Variants in SPOCK3 observed in about 807,000 individuals in gnomAD.
SPOCK3 encodes SPARC (osteonectin), cwcv and kazal like domains proteoglycan 3.
Under a neutral mutation model 56.6 loss-of-function variants are expected in SPOCK3, and 30 were observed. That is an observed-to-expected ratio of 0.53 (90% CI 0.40 to 0.72). The LOEUF is 0.72. Ranked by LOEUF, SPOCK3 falls within the 30% of genes least tolerant of loss-of-function variation. The pLI is 0.00. For synonymous variants in SPOCK3, 196 were observed against 183.3 expected, an observed-to-expected ratio of 1.07 and a Z score of -0.56; for missense variants, 527 against 530.0, an observed-to-expected ratio of 0.99 and a Z score of 0.06.
At chr4:166,925,883 C>T (rs1460909371) in intron 4 of SPOCK3, among the ~76,000 whole-genome samples, 1 of 152,086 alleles carries the variant, frequency 6.6e-6, no homozygotes, top group Non-Finnish European at 1.5e-5. Flanking sequence ...CTCATGGAGC[C>T]ACATGAACGC....
chr4:167,063,717 C>T (rs1161705780), intron 2 of SPOCK3, among the ~76,000 whole-genome samples: 1 of 151,786 alleles, frequency 6.6e-6, no homozygotes, highest in Non-Finnish European at 1.5e-5. Flanking sequence ...TTATTTCATA[C>T]TCTATGTCAA....
At chr4:166,813,762 C>A (rs948300679) in intron 6 of SPOCK3, among the ~76,000 whole-genome samples, 4 of 150,522 alleles carry the variant, frequency 2.7e-5, no homozygotes, top group Non-Finnish European at 4.4e-5. Flanking sequence ...TCTTTTGTAC[C>A]AAAATAAACT....
intron 7 of SPOCK3, among the ~76,000 whole-genome samples, chr4:166,769,931 G>C (rs11131771): frequency 0.46 from 69,613 of 151,854 alleles, 16,452 homozygotes; most frequent in African/African-American, 0.51. Context: ...GCAGTTCGAT[G>C]TCAGACAGCT....
intron 3 of SPOCK3, among the ~76,000 whole-genome samples, chr4:167,034,405 C>T (rs1007544892): frequency 1.5e-4 from 22 of 151,638 alleles, no homozygotes; most frequent in African/African-American, 3.6e-4. Flanking sequence ...AAGGTCGTCC[C>T]GGTATTTTTC....
At chr4:167,020,766 T>C (rs1751088795) in intron 3 of SPOCK3, among the ~76,000 whole-genome samples, 1 of 152,054 alleles carries the variant, frequency 6.6e-6, no homozygotes, top group South Asian at 2.1e-4. Context: ...GCATCATTTT[T>C]TCCATGAAAT....
chr4:166,898,200 A>G (rs1367649181), intron 5 of SPOCK3, among the ~76,000 whole-genome samples: 1 of 151,928 alleles, frequency 6.6e-6, no homozygotes, highest in Non-Finnish European at 1.5e-5. Flanking sequence ...CCTCTCCCTA[A>G]AAAAGAAAAA....
At chr4:166,778,501 C>T (rs773136350) in intron 7 of SPOCK3, among the ~76,000 whole-genome samples, 33 of 152,074 alleles carry the variant, frequency 2.2e-4, no homozygotes, top group Non-Finnish European at 1.0e-4. Flanking sequence ...TCAGATTTGG[C>T]GAGGGGAAGG....
At chr4:167,080,002 A>G (rs996949045) in intron 2 of SPOCK3, among the ~76,000 whole-genome samples, 9 of 152,016 alleles carry the variant, frequency 5.9e-5, no homozygotes, top group Admixed American at 5.9e-4. Context: ...ACAAAGAGGA[A>G]GTTGAGAGAA....
At chr4:166,934,536 T>A (rs1740172602) in intron 4 of SPOCK3, among the ~76,000 whole-genome samples, 1 of 151,970 alleles carries the variant, frequency 6.6e-6, no homozygotes, top group African/African-American at 2.4e-5. Flanking sequence ...ACACTTAATA[T>A]CACCACCCAA....
intron 5 of SPOCK3, among the ~76,000 whole-genome samples, chr4:166,898,647 C>T (rs1024296208): frequency 1.3e-5 from 2 of 152,092 alleles, no homozygotes; most frequent in Non-Finnish European, 2.9e-5. Context: ...TAGTGATGTG[C>T]TATATACTTG....
rs199655312 is a variant in SPOCK3 at position 166,850,748 on chromosome 4, C to T, written c.589+38382G>A. Among the ~76,000 whole-genome samples, 88 of 152,338 alleles carry T rather than the reference C, an allele frequency of 5.8e-4. 4 individuals carry two copies. The East Asian group carries it at 0.012, about 20-fold the overall frequency. On this transcript the variant is annotated intron_variant, in intron 6 of 10. Transcript: ENST00000357545. The stretch of plus-strand genomic sequence containing the variant: ...TCGGGTCACTCCCGCCCGAATACTG[C>T]GCTTTTCCGACGGGCTTAAAAAACG...
intron 6 of SPOCK3, among the ~76,000 whole-genome samples, chr4:166,836,176 G>C (rs778592325): frequency 5.3e-5 from 8 of 152,130 alleles, no homozygotes; most frequent in Non-Finnish European, 1.5e-5. Context: ...AATAGATGAA[G>C]TGAGGACCCA....
chr4:166,860,817 G>GTGTATATATATATATATATATATGTA (rs1731172715), intron 6 of SPOCK3, among the ~76,000 whole-genome samples: 8 of 31,162 alleles, frequency 2.6e-4, no homozygotes, highest in East Asian at 2.2e-3. Context: ...ATATATATAT[G>GTGTATATATATATATATATATATGTA]TATATATATA....
At chr4:166,780,659 A>G (rs1030389101) in intron 7 of SPOCK3, among the ~76,000 whole-genome samples, 28 of 152,222 alleles carry the variant, frequency 1.8e-4, no homozygotes, top group Admixed American at 2.6e-4. Context: ...TATCCTGAGT[A>G]TAGACCATTA....
chr4:167,025,073 C>T (rs1751574702), intron 3 of SPOCK3, among the ~76,000 whole-genome samples: 1 of 151,886 alleles, frequency 6.6e-6, no homozygotes, highest in Non-Finnish European at 1.5e-5. Context: ...TATGGATAGT[C>T]CTCTAGAAAT....
chr4:167,227,458 T>C (rs1023868147), intron 2 of SPOCK3, among the ~76,000 whole-genome samples: 2 of 152,102 alleles, frequency 1.3e-5, no homozygotes, highest in African/African-American at 4.8e-5. Context: ...TGTCACCTCA[T>C]TTAGTAAGTA....
At chr4:167,120,742 T>G (rs1336634331) in intron 2 of SPOCK3, among the ~76,000 whole-genome samples, 1 of 152,008 alleles carries the variant, frequency 6.6e-6, no homozygotes, top group East Asian at 1.9e-4. Context: ...CTTCATTCAT[T>G]TTAACAGAAG....
Position 166,909,426 on chromosome 4 carries a change from A to G in SPOCK3, c.474+3194T>C, listed in dbSNP as rs188799168. Among the ~76,000 whole-genome samples the G allele has an allele frequency of 2.6e-3, 398 of 152,186 alleles. 11 individuals are homozygous for G. The highest frequency in any genetic ancestry group is 0.023 in the Admixed American group (349 of 15,246). On this transcript the variant is annotated intron_variant, in intron 5 of 10. Coordinates refer to ENST00000357545, the MANE Select transcript of SPOCK3 (RefSeq NM_001040159.2). The stretch of plus-strand genomic sequence containing the variant: ...CCTCCAGTTAAGATGTGCAATGAAA[A>G]TATCATTTATAATCTCCTCTCTATA...
chr4:167,071,145 CT>C (rs546779987), intron 2 of SPOCK3, among the ~76,000 whole-genome samples: 122 of 152,054 alleles, frequency 8.0e-4, no homozygotes, highest in African/African-American at 2.8e-3. Flanking sequence ...AGACTGTGTA[CT>C]GGTTAGTTTT....
Sources: gnomAD v4.1 joint callset for allele counts (sites outside exome capture counted in the v4.1 genomes callset) on GRCh38, gnomAD v4.1.1 for gene constraint, MANE v1.5 for transcripts, NCBI Gene and HGNC (gene_info 2026-07-23, HGNC 2026-07-21) for gene names.